The following TWIST1 variants were observed in gnomAD, a reference collection of about 807,000 sequenced individuals.
TWIST1 encodes the protein twist family bHLH transcription factor 1.
A neutral mutation model predicts 12.9 loss-of-function variants in TWIST1; 8 were observed. The observed-to-expected ratio is 0.62, with a 90% CI of 0.37 to 1.12. TWIST1 has a LOEUF of 1.12. Among genes scored for constraint, TWIST1 ranks in the 50% most tolerant of loss-of-function variants. The pLI, the probability that TWIST1 is intolerant of heterozygous loss-of-function variation, is 0.02. For synonymous variants in TWIST1, 169 were observed against 138.7 expected (o/e 1.22, Z -1.54); for missense variants, 268 against 299.7 (o/e 0.89, Z 0.78).
Position 19,116,827 on chromosome 7 carries a change from G to T in TWIST1, c.495C>A (p.Ser165Arg). The change falls in exon 1 of 2, where the codon AGC becomes AGA. Residue 165 changes from serine to arginine, a missense_variant. Around this residue, in one of 2 missense-constraint regions of TWIST1, gnomAD observed 79 missense variants for 127.6 expected, o/e 0.62. Coordinates refer to ENST00000242261, the MANE Select transcript of TWIST1 (RefSeq NM_000474.4). ...TTGCCATCTTGGAGTCCAGCTCGTC[G>T]CTCTGGAGGACCTGGTAGAGGAAGT... is the stretch of plus-strand genomic sequence containing the variant. ...YIDFLYQVLQSDELDSKMASC... is the reference protein window; with the variant it reads ...YIDFLYQVLQRDELDSKMASC... 6.2e-7 allele frequency: 1 copy of T among 1,614,128 alleles called. No homozygotes were observed. The highest frequency in any genetic ancestry group is 8.5e-7 in the Non-Finnish European group (1 of 1,180,006).
In TWIST1 at chr7:19,116,654, A is replaced by C; in HGVS notation, c.*42+17T>G. The C allele has an allele frequency of 6.5e-7, 1 of 1,534,950 alleles. No homozygotes were observed. The highest frequency in any genetic ancestry group is 2.0e-5 in the Admixed American group (1 of 51,076). Reference sequence around the variant, plus strand: ...TGCCACCTGAGAGGCGAAGGGGTGCAGCGGCGCGGTCCTTACCTAGGTCTC... The same window carrying C: ...TGCCACCTGAGAGGCGAAGGGGTGCCGCGGCGCGGTCCTTACCTAGGTCTC... On this transcript the variant is annotated intron_variant, in intron 1 of 1. Transcript: ENST00000242261.
In TWIST1 at chr7:19,116,824, G is replaced by A. The variant is rs770828955; in HGVS notation, c.498C>T (p.Asp166=). The A allele has an allele frequency of 3.7e-6, 6 of 1,614,056 alleles. No individual in the cohort carries two copies. Among genetic ancestry groups the A allele is most frequent in the Non-Finnish European group, 3.4e-6 (4 of 1,180,022 alleles). Residue 166 remains aspartate (D), a synonymous_variant, in exon 1 of 2, where the codon GAC becomes GAT. Coordinates refer to ENST00000242261, the MANE Select transcript of TWIST1 (RefSeq NM_000474.4). ...AGCTTGCCATCTTGGAGTCCAGCTC[G>A]TCGCTCTGGAGGACCTGGTAGAGGA... The part of the protein sequence containing the change: ...IDFLYQVLQS[D]ELDSKMASCS...
Position 19,117,097 on chromosome 7 carries a change from G to T in TWIST1, c.225C>A (p.Gly75=). 1 of 1,357,112 alleles carries T rather than the reference G, an allele frequency of 7.4e-7. No individual in the cohort carries two copies. Among genetic ancestry groups the T allele is most frequent in the Non-Finnish European group, 9.4e-7 (1 of 1,061,704 alleles). The allele number at this position is 1,357,112 out of a possible 1,614,324, so 84.1% of individuals were successfully genotyped here. Residue 75 remains glycine, a synonymous_variant, in exon 1 of 2, where the codon GGC becomes GGA. Coordinates refer to ENST00000242261, the MANE Select transcript of TWIST1 (RefSeq NM_000474.4). ...EPGSPAQGKR[G]KKSAGCGGGG... ...CGCCGCCACAGCCCGCAGACTTCTT[G>T]CCGCGCTTGCCCTGGGCCGGGCTGC... is the stretch of plus-strand genomic sequence containing the variant.
intron 1 of TWIST1, 27 bp downstream of exon 1, chr7:19,116,644 G>GA (rs1788572671): frequency 1.5e-5 from 22 of 1,516,976 alleles, no homozygotes; most frequent in Middle Eastern, 3.4e-4. Flanking sequence ...CCTGAGAGGC[G>GA]AAGGGGTGCA....
rs575299986 is a variant in TWIST1, at chr7:19,117,039, T to C, written c.283A>G (p.Ser95Gly). 14 of 1,463,296 alleles carry C rather than the reference T, an allele frequency of 9.6e-6. No individual in the cohort carries two copies. In the South Asian group the frequency reaches 1.3e-4, roughly 13 times the overall value. 90.6% of individuals were successfully genotyped at this position (1,463,296 alleles called of 1,614,324 possible). The stretch of plus-strand genomic sequence containing the variant: ...TAAGACTGCGGACTCCCGCCGCCGC[T>C]GCTGCTGCCGCCGCCGCCGCCCGCG... ...GGAGGGGGSS[S>G]GGGSPQSYEE... Residue 95 changes from serine (S) to glycine (G), a missense_variant, in exon 1 of 2, where the codon AGC becomes GGC. Coordinates refer to ENST00000242261, the MANE Select transcript of TWIST1 (RefSeq NM_000474.4).
At chr7:19,114,547 G>T (rs567616355), downstream of TWIST1, among the ~76,000 whole-genome samples, 41 of 152,246 alleles carry the variant, frequency 2.7e-4, no homozygotes, top group Middle Eastern at 3.4e-3. Flanking sequence ...GTATGTTCCT[G>T]GCCCACAAAT....
chr7:19,114,738 T>C (rs1213821892), downstream of TWIST1, among the ~76,000 whole-genome samples: 2 of 152,186 alleles, frequency 1.3e-5, no homozygotes, highest in Admixed American at 6.5e-5. Flanking sequence ...AAACTGTGAT[T>C]ATTCCAACTG....
At position 19,117,376 on chromosome 7, in the gene TWIST1, G is replaced by A. The variant is rs972047748; in HGVS notation, c.-55C>T. On this transcript the variant is annotated 5_prime_UTR_variant, in exon 1 of 2. Transcript: ENST00000242261. ...GCCCGGGGCAGAGGAGAAGAGCGGGGCGCCTCAGCCCGCCAGCTTCCCCCG... is the reference window on the plus strand; with the variant it reads ...GCCCGGGGCAGAGGAGAAGAGCGGGACGCCTCAGCCCGCCAGCTTCCCCCG... The A allele has an allele frequency of 3.4e-5, 46 of 1,370,896 alleles. No homozygotes were observed. The highest frequency in any genetic ancestry group is 4.0e-5 in the Non-Finnish European group (42 of 1,054,832). The allele number at this position is 1,370,896 out of a possible 1,614,324, so 84.9% of individuals were successfully genotyped here.
chr7:19,114,939 T>A (rs995137564), downstream of TWIST1, among the ~76,000 whole-genome samples: 34 of 152,216 alleles, frequency 2.2e-4, no homozygotes, highest in Non-Finnish European at 5.0e-4. Context: ...AGAGAAGAGT[T>A]AAGCAAATTA....
Position 19,117,589 on chromosome 7 carries a change from C to T in TWIST1, c.-268G>A. The stretch of plus-strand genomic sequence containing the variant: ...GCTGGACGCACACCCCGCCAGGCCT[C>T]CTGGAAACGGTGCCGGTGCTGCAGA... On this transcript the variant is annotated 5_prime_UTR_variant, in exon 1 of 2. Transcript: ENST00000242261. 3 of 1,100,186 alleles carry T rather than the reference C, an allele frequency of 2.7e-6. No homozygotes were observed. The highest frequency in any genetic ancestry group is 3.4e-6 in the Non-Finnish European group (3 of 894,090). The allele number at this position is 1,100,186 out of a possible 1,614,324, so 68.2% of individuals were successfully genotyped here.
Position 19,117,066 on chromosome 7 carries a change from C to T in TWIST1, c.256G>A (p.Gly86Ser). Residue 86 changes from glycine (G) to serine (S), a missense_variant, in exon 1 of 2, where the codon GGC becomes AGC. By Grantham distance (56) the Gly-to-Ser change is moderately conservative (BLOSUM62 0). This residue lies in a region of TWIST1 where 189 missense variants were observed against 172.1 expected (regional missense o/e 1.10). Transcript: ENST00000242261. ...KKSAGCGGGG[G>S]AGGGGGSSSG... ...CTGCTGCCGCCGCCGCCGCCCGCGC[C>T]GCCGCCGCCGCCACAGCCCGCAGAC... The T allele has an allele frequency of 7.1e-7, 1 of 1,402,368 alleles. No homozygotes were observed. 86.9% of individuals were successfully genotyped at this position (1,402,368 alleles called of 1,614,324 possible).
downstream of TWIST1, among the ~76,000 whole-genome samples, chr7:19,115,225 C>CAAT (rs1788541204): frequency 1.3e-5 from 2 of 152,186 alleles, no homozygotes; most frequent in Non-Finnish European, 2.9e-5. Flanking sequence ...TAAGTTTTTG[C>CAAT]TGTTTGGAGA....
At chr7:19,116,516 ACGCTGGGGG>A (rs895146986) in intron 1 of TWIST1, among the ~76,000 whole-genome samples, 146 bp downstream of exon 1, 1 of 151,926 alleles carries the variant, frequency 6.6e-6, no homozygotes, top group African/African-American at 2.4e-5. Flanking sequence ...CCTTCCGGGG[ACGCTGGGGG>A]CGCGAGGCAA....
In TWIST1 at chr7:19,117,009, C is replaced by A; in HGVS notation, c.313G>T (p.Glu105Ter). 6.3e-7 allele frequency: 1 copy of A among 1,587,418 alleles called. No individual in the cohort carries two copies. Among genetic ancestry groups the A allele is most frequent in the Non-Finnish European group, 8.5e-7 (1 of 1,171,310 alleles). Residue 105 changes from glutamate (E) to a stop codon, truncating the protein, a stop_gained, in exon 1 of 2, where the codon GAG (glutamate) becomes TAG (stop). Coordinates refer to ENST00000242261, the MANE Select transcript of TWIST1 (RefSeq NM_000474.4). LOFTEE classifies it high-confidence loss of function. ...GCCATGACCCGCTGCGTCTGCAGCT[C>A]CTCGTAAGACTGCGGACTCCCGCCG... ...SGGGSPQSYE[E>*]LQTQRVMANV...
chr7:19,113,114 C>G (rs1019407179), downstream of TWIST1: 1 of 152,026 alleles, frequency 6.6e-6, no homozygotes, highest in East Asian at 1.9e-4. Context: ...TGTAACTGTG[C>G]GTGAATTATC....
Position 19,117,286 on chromosome 7 carries a change from CG to C in TWIST1, c.35del (p.Pro12ArgfsTer6). The C allele has an allele frequency of 6.8e-7, 1 of 1,475,758 alleles. No homozygotes were observed. Among genetic ancestry groups the C allele is most frequent in the Non-Finnish European group, 9.0e-7 (1 of 1,117,190 alleles). The allele number at this position is 1,475,758 out of a possible 1,614,324, so 91.4% of individuals were successfully genotyped here. Reference sequence around the variant, plus strand: ...CGCTGTTGCTCAGGCTGTCGTCGGCCGGCGAGACTGGCGAGCTGGACACGTC... The same window carrying C: ...CGCTGTTGCTCAGGCTGTCGTCGGCCGCGAGACTGGCGAGCTGGACACGTC... ...MQDVSSSPVS[P>X]ADDSLSNSEE... On this transcript the variant is annotated frameshift_variant, in exon 1 of 2. Coordinates refer to ENST00000242261, the MANE Select transcript of TWIST1 (RefSeq NM_000474.4). LOFTEE classifies it high-confidence loss of function.
chr7:19,114,551 C>T (rs1788529262), downstream of TWIST1, among the ~76,000 whole-genome samples: 1 of 152,062 alleles, frequency 6.6e-6, no homozygotes, highest in Non-Finnish European at 1.5e-5. Flanking sequence ...GTTCCTGGCC[C>T]ACAAATAATC....
At position 19,116,989 on chromosome 7, in the gene TWIST1, G is replaced by T. The variant is rs759836231; in HGVS notation, c.333C>A (p.Val111=). 1.9e-6 allele frequency: 3 copies of T among 1,610,048 alleles called. No homozygotes were observed. Among genetic ancestry groups the T allele is most frequent in the Middle Eastern group, 1.6e-4 (1 of 6,076 alleles). ...QSYEELQTQR[V]MANVRERQRT... is the part of the protein sequence containing the mutation. ...GCTGGCGCTCCCGCACGTTGGCCAT[G>T]ACCCGCTGCGTCTGCAGCTCCTCGT... The change falls in exon 1 of 2, where the codon GTC becomes GTA. Residue 111 remains valine (V), a synonymous_variant. Coordinates refer to ENST00000242261, the MANE Select transcript of TWIST1 (RefSeq NM_000474.4).
downstream of TWIST1, chr7:19,115,451 T>C (rs139083921): frequency 8.5e-3 from 1,296 of 152,738 alleles, 29 homozygotes; most frequent in East Asian, 0.098. Context: ...TTTAAAAATA[T>C]AGACCAAACT....
Sources: gnomAD v4.1 joint callset for allele counts (sites outside exome capture counted in the v4.1 genomes callset) on GRCh38, gnomAD v4.1.1 for gene constraint, gnomAD v4.1.1 regional missense constraint, MANE v1.5 for transcripts, NCBI Gene and HGNC (gene_info 2026-07-23, HGNC 2026-07-21) for gene names.